The following PLEKHM3 variants were observed in gnomAD, a reference collection of about 807,000 sequenced individuals.
PLEKHM3 encodes pleckstrin homology domain-containing family M member 3.
In PLEKHM3, 45 loss-of-function variants were observed where a neutral mutation model predicts 81.8. That is an observed-to-expected ratio of 0.55 (90% confidence interval 0.43 to 0.71). PLEKHM3 has a LOEUF of 0.71. PLEKHM3 is among the 30% of genes least tolerant of loss of function. PLEKHM3 has a pLI of 0.00. For missense variants in PLEKHM3, 788 were observed against 924.3 expected, an observed-to-expected ratio of 0.85 and a Z score of 1.91; for synonymous variants, 352 against 356.4, an observed-to-expected ratio of 0.99 and a Z score of 0.14.
At chr2:207,891,131 T>C (rs1427786913) in intron 6 of PLEKHM3, among the ~76,000 whole-genome samples, 1 of 152,160 alleles carries the variant, frequency 6.6e-6, no homozygotes, top group Non-Finnish European at 1.5e-5. Flanking sequence ...TTTGTAACAT[T>C]TCAGATAGTT....
At chr2:208,005,347 C>T (rs988529782) in intron 1 of PLEKHM3, among the ~76,000 whole-genome samples, 12 of 152,152 alleles carry the variant, frequency 7.9e-5, no homozygotes, top group Non-Finnish European at 1.3e-4. Context: ...ATACAGGATA[C>T]CACATGACAT....
intron 6 of PLEKHM3, among the ~76,000 whole-genome samples, chr2:207,866,534 C>T (rs1032403190): frequency 1.3e-5 from 2 of 152,180 alleles, no homozygotes; most frequent in Non-Finnish European, 2.9e-5. Context: ...ATGTCCCAGA[C>T]ACTCAATGTA....
At chr2:207,966,578 A>T (rs1176640183) in intron 3 of PLEKHM3, among the ~76,000 whole-genome samples, 1 of 151,952 alleles carries the variant, frequency 6.6e-6, no homozygotes, top group Non-Finnish European at 1.5e-5. Flanking sequence ...TTTGAGACGG[A>T]GTCTCCCTCT....
intron 5 of PLEKHM3, among the ~76,000 whole-genome samples, chr2:207,914,681 CAAA>C (rs34724181): frequency 1.3e-3 from 142 of 112,834 alleles, no homozygotes; most frequent in Middle Eastern, 4.5e-3. Context: ...GACCCTGTGT[CAAA>C]AAAAAAAAAA....
chr2:207,828,318 G>A lies in PLEKHM3; in HGVS notation c.*1C>T, dbSNP rs376563640. Reference sequence around the variant, plus strand: ...ATCCCTGGCCTTCGGGTCGGCTGGAGTCAGGTGTTCTGGTAGGACAGCTCG... The same window carrying A: ...ATCCCTGGCCTTCGGGTCGGCTGGAATCAGGTGTTCTGGTAGGACAGCTCG... On this transcript the variant is annotated 3_prime_UTR_variant, in exon 8 of 8. Coordinates refer to ENST00000427836, the MANE Select transcript of PLEKHM3 (RefSeq NM_001080475.3). The A allele has an allele frequency of 3.5e-4, 559 of 1,606,156 alleles. No homozygotes were observed. The highest frequency in any genetic ancestry group is 4.4e-4 in the Non-Finnish European group (518 of 1,175,220).
At chr2:207,885,936 T>A (rs1275507865) in intron 6 of PLEKHM3, among the ~76,000 whole-genome samples, 1 of 152,164 alleles carries the variant, frequency 6.6e-6, no homozygotes, top group African/African-American at 2.4e-5. Context: ...TCCTGAAACA[T>A]TCAAGAATGC....
chr2:207,842,235 C>T (rs910973818), intron 7 of PLEKHM3, among the ~76,000 whole-genome samples: 5 of 151,982 alleles, frequency 3.3e-5, no homozygotes, highest in Non-Finnish European at 5.9e-5. Flanking sequence ...CGCCTGGCCC[C>T]CATCTTTTTA....
At chr2:207,850,110 T>G (rs1416936745) in intron 7 of PLEKHM3, among the ~76,000 whole-genome samples, 1 of 152,108 alleles carries the variant, frequency 6.6e-6, no homozygotes, top group Non-Finnish European at 1.5e-5. Context: ...CAACCCCCTA[T>G]CACCAAACTA....
chr2:207,943,169 G>A (rs1690001176), intron 4 of PLEKHM3, among the ~76,000 whole-genome samples: 1 of 152,164 alleles, frequency 6.6e-6, no homozygotes, highest in Non-Finnish European at 1.5e-5. Context: ...TTCAAAAATA[G>A]CTAGAAGAGA....
At chr2:207,936,632 A>T (rs1689761104) in intron 4 of PLEKHM3, among the ~76,000 whole-genome samples, 1 of 152,206 alleles carries the variant, frequency 6.6e-6, no homozygotes, top group Non-Finnish European at 1.5e-5. Context: ...CAAAGAGCAT[A>T]CGACCCTAAT....
intron 6 of PLEKHM3, among the ~76,000 whole-genome samples, chr2:207,874,676 C>G (rs1574358797): frequency 6.6e-6 from 1 of 151,992 alleles, no homozygotes; most frequent in Non-Finnish European, 1.5e-5. Flanking sequence ...ACCGCAACCT[C>G]TGCTTCCTGG....
chr2:207,868,879 ATC>A (rs1468414756), intron 6 of PLEKHM3: 1 of 152,036 alleles, frequency 6.6e-6, no homozygotes, highest in Admixed American at 6.6e-5. Flanking sequence ...TTCTGATATT[ATC>A]TGTTTGGATG....
chr2:207,841,480 AATATATATAT>A (rs769138417), intron 7 of PLEKHM3, among the ~76,000 whole-genome samples: 17 of 37,432 alleles, frequency 4.5e-4, no homozygotes, highest in African/African-American at 9.9e-4. Context: ...AAAAAAAAAA[AATATATATAT>A]ATATATATAT....
chr2:208,006,421 G>C lies in PLEKHM3; in HGVS notation c.-318-4464C>G, dbSNP rs866280613. Among the ~76,000 whole-genome samples the C allele has an allele frequency of 2.0e-5, 3 of 152,300 alleles. No individual in the cohort carries two copies. The Middle Eastern group carries it at 0.01, about 518-fold the overall frequency. On this transcript the variant is annotated intron_variant, in intron 1 of 7. Transcript: ENST00000427836. ...GCCTCAGTACAAAACTGGAAATCAG[G>C]AGCTAATTAGAACTGTGTTCTAAAT... is the stretch of plus-strand genomic sequence containing the variant.
rs561045387 is a variant in PLEKHM3 at position 207,888,776 on chromosome 2, T to C, written c.1950+19738A>G. Among the ~76,000 whole-genome samples the C allele has an allele frequency of 2.6e-5, 4 of 152,366 alleles. No homozygotes were observed. In the South Asian group the frequency reaches 8.3e-4, roughly 32 times the overall value. On this transcript the variant is annotated intron_variant, in intron 6 of 7. Coordinates refer to ENST00000427836, the MANE Select transcript of PLEKHM3 (RefSeq NM_001080475.3). The stretch of plus-strand genomic sequence containing the variant: ...ATTATAGTCTACTCCCCTTACTTGG[T>C]AGGCCACATTATACCTGTTCCCTAG...
chr2:208,020,764 C>T (rs1693102248), intron 1 of PLEKHM3, among the ~76,000 whole-genome samples: 1 of 152,190 alleles, frequency 6.6e-6, no homozygotes, highest in African/African-American at 2.4e-5. Flanking sequence ...AAGGGGTTAA[C>T]ATTTGCTGAA....
At chr2:207,874,840 T>C (rs2092552818) in intron 6 of PLEKHM3, among the ~76,000 whole-genome samples, 1 of 151,980 alleles carries the variant, frequency 6.6e-6, no homozygotes, top group African/African-American at 2.4e-5. Flanking sequence ...TCCGCCCGCC[T>C]TGGCCTCCCA....
chr2:207,863,675 C>T (rs567882433), intron 6 of PLEKHM3, among the ~76,000 whole-genome samples: 3 of 152,070 alleles, frequency 2.0e-5, no homozygotes, highest in Admixed American at 6.6e-5. Context: ...ATTTGTCCAC[C>T]GACCCGGTCT....
At chr2:207,975,538 G>T in intron 3 of PLEKHM3, among the ~76,000 whole-genome samples, 1 of 132,804 alleles carries the variant, frequency 7.5e-6, no homozygotes, top group African/African-American at 2.8e-5. Flanking sequence ...ATTTTATTTA[G>T]TTTATAACAG....
Sources: gnomAD v4.1 joint callset for allele counts (sites outside exome capture counted in the v4.1 genomes callset) on GRCh38, gnomAD v4.1.1 for gene constraint, MANE v1.5 for transcripts, NCBI Gene and HGNC (gene_info 2026-07-23, HGNC 2026-07-21) for gene names.